The following ITGA10 variants were observed in gnomAD, a reference collection of about 807,000 sequenced individuals.
ITGA10 encodes integrin alpha-10.
ITGA10 carries 105 observed loss-of-function variants against 145.2 expected under a neutral mutation model. The ratio of observed to expected loss-of-function variants is 0.72; its 90% CI spans 0.62 to 0.85. The LOEUF (loss-of-function observed/expected upper bound fraction) is 0.85, where lower values mean the gene tolerates loss of function less well. Among genes scored for constraint, ITGA10 ranks in the 40% least tolerant of loss-of-function variants. ITGA10 has a pLI of 0.00. For synonymous variants in ITGA10, 506 were observed against 557.8 expected, an observed-to-expected ratio of 0.91 and a Z score of 1.31; for missense variants, 1,317 against 1,444.5, an observed-to-expected ratio of 0.91 and a Z score of 1.43.
intron 14 of ITGA10, among the ~76,000 whole-genome samples, chr1:145,900,429 G>A (rs1317386577): frequency 2.0e-5 from 3 of 151,958 alleles, no homozygotes; most frequent in East Asian, 1.9e-4. Flanking sequence ...CACCAGGCCC[G>A]GCTAATTTTT....
At chr1:145,892,979 A>T (rs888651574) in intron 29 of ITGA10, 116 bp from the exon 30 acceptor site, 10 of 971,920 alleles carry the variant, frequency 1.0e-5, no homozygotes, top group Non-Finnish European at 1.6e-5. Flanking sequence ...TGGAATTCAA[A>T]TTTATTTTAT....
chr1:145,903,034 C>T (rs1455158696), intron 7 of ITGA10, 73 bp from the exon 8 acceptor site: 6 of 847,428 alleles, frequency 7.1e-6, no homozygotes, highest in Admixed American at 2.6e-5. Flanking sequence ...TACACACACA[C>T]ACACACACAC....
In ITGA10 at chr1:145,900,151, A is replaced by G; in HGVS notation, c.1828T>C (p.Tyr610His). 6 of 1,614,092 alleles carry G rather than the reference A, an allele frequency of 3.7e-6. No individual in the cohort carries two copies. Among genetic ancestry groups the G allele is most frequent in the Non-Finnish European group, 4.2e-6 (5 of 1,179,954 alleles). Residue 610 changes from tyrosine to histidine, a missense_variant, in exon 15 of 30, where the codon TAC becomes CAC. Coordinates refer to ENST00000369304, the MANE Select transcript of ITGA10 (RefSeq NM_003637.5). ...CGACCATCCACACTTCGGCCAAAGT[A>G]GCTGAGGGCATGTGGCATGGAGGCA... ...AAASMPHALS[Y>H]FGRSVDGRLD...
At chr1:145,896,454 G>T in intron 23 of ITGA10, 102 bp from the exon 24 acceptor site, 1 of 880,436 alleles carries the variant, frequency 1.1e-6, no homozygotes, top group Non-Finnish European at 1.9e-6. Context: ...GGCAGGGCCA[G>T]CACATGGATA....
At chr1:145,899,421 A>G in intron 15 of ITGA10, 80 bp from the exon 16 acceptor site, 1 of 1,502,304 alleles carries the variant, frequency 6.7e-7, no homozygotes, top group Non-Finnish European at 9.1e-7. Flanking sequence ...TTGCTTCCCC[A>G]TGGTCAAAAC....
At chr1:145,903,463 G>A (rs1157206230) in intron 7 of ITGA10, among the ~76,000 whole-genome samples, 1 of 152,112 alleles carries the variant, frequency 6.6e-6, no homozygotes, top group African/African-American at 2.4e-5. Flanking sequence ...GATAGAAAGA[G>A]ACTTCTGTCT....
chr1:145,896,885 C>T (rs782150205), intron 22 of ITGA10, 27 bp from the exon 23 acceptor site: 1 of 1,579,778 alleles, frequency 6.3e-7, no homozygotes, highest in Non-Finnish European at 8.7e-7. Context: ...GAGAGGCTCA[C>T]ATCTCAACCC....
At chr1:145,900,339 C>T in intron 14 of ITGA10, 152 bp from the exon 15 acceptor site, 1 of 835,606 alleles carries the variant, frequency 1.2e-6, no homozygotes, top group Non-Finnish European at 1.8e-6. Context: ...GTGATCTTGG[C>T]TCACTGCAAC....
At position 145,906,862 on chromosome 1, in the gene ITGA10, G is replaced by A. The variant is rs782596114; in HGVS notation, c.275-38C>T. ...AGGTGGAAGAGAATGAGATCATGGG[G>A]TCATAGATGGGGTGCTTGAATTCAT... On this transcript the variant is annotated intron_variant, in intron 3 of 29. Transcript: ENST00000369304. The A allele has an allele frequency of 9.8e-6, 14 of 1,430,086 alleles. 1 individual carries two copies. In the South Asian group the frequency reaches 1.6e-4, roughly 17 times the overall value. 88.6% of individuals were successfully genotyped at this position (1,430,086 alleles called of 1,614,324 possible).
chr1:145,900,811 T>A lies in ITGA10; in HGVS notation c.1770A>T (p.Gly590=), dbSNP rs1553747788. 3 of 1,614,008 alleles carry A rather than the reference T, an allele frequency of 1.9e-6. No individual in the cohort carries two copies. The highest frequency in any genetic ancestry group is 2.2e-5 in the South Asian group (2 of 91,086). ...ALYLYHGTQS[G]VRPHPAQRIA... is the part of the protein sequence containing the mutation. ...TGACCTGGGCAGGATGGGGCCTGACTCCACTCTGGGTTCCATGGTACAGGT... is the reference window on the plus strand; with the variant it reads ...TGACCTGGGCAGGATGGGGCCTGACACCACTCTGGGTTCCATGGTACAGGT... Residue 590 remains glycine, a synonymous_variant, in exon 14 of 30, where the codon GGA becomes GGT. Coordinates refer to ENST00000369304, the MANE Select transcript of ITGA10 (RefSeq NM_003637.5).
chr1:145,896,194 C>A lies in ITGA10; in HGVS notation c.2919+74G>T, dbSNP rs1655370974. 6.1e-6 allele frequency: 9 copies of A among 1,475,432 alleles called. No individual in the cohort carries two copies. The South Asian group carries it at 9.1e-5, about 15-fold the overall frequency. The allele number at this position is 1,475,432 out of a possible 1,614,324, so 91.4% of individuals were successfully genotyped here. A position where few individuals can be genotyped will look rare whatever the true frequency, so the allele number is the denominator to read the frequency against. On this transcript the variant is annotated intron_variant, in intron 24 of 29. Coordinates refer to ENST00000369304, the MANE Select transcript of ITGA10 (RefSeq NM_003637.5). The stretch of plus-strand genomic sequence containing the variant: ...GATACCATTAAAATCCAAGAGAGAC[C>A]CTTCCCATCCTTTTCCCACAAAGCT...
rs894370378 is a variant in ITGA10, at chr1:145,891,952, G to C, written c.*846C>G. 2 of 152,350 alleles carry C rather than the reference G, an allele frequency of 1.3e-5. No homozygotes were observed. Among genetic ancestry groups the C allele is most frequent in the Non-Finnish European group, 2.9e-5 (2 of 68,038 alleles). The allele number at this position is 152,350 out of a possible 1,614,324, so 9.4% of individuals were successfully genotyped here. ...GCTCAAGAGTGAGTATAAGACTTGA[G>C]AGAAGTAGAGAAAATACTGCCTAGG... On this transcript the variant is annotated 3_prime_UTR_variant, in exon 30 of 30. Coordinates refer to ENST00000369304, the MANE Select transcript of ITGA10 (RefSeq NM_003637.5).
In ITGA10 at chr1:145,892,784, C is replaced by A; in HGVS notation, c.*14G>T. On this transcript the variant is annotated 3_prime_UTR_variant, in exon 30 of 30. Transcript: ENST00000369304. ...AAGCTGCCAGGGAGGACTTTCTAGA[C>A]CCTTATTCTACATTCATTGCTCCAA... is the stretch of plus-strand genomic sequence containing the variant. 6.2e-7 allele frequency: 1 copy of A among 1,603,744 alleles called. No individual in the cohort carries two copies. Among genetic ancestry groups the A allele is most frequent in the Non-Finnish European group, 8.5e-7 (1 of 1,170,564 alleles).
At chr1:145,898,537 T>G (rs1655775615) in intron 17 of ITGA10, among the ~76,000 whole-genome samples, 1 of 151,822 alleles carries the variant, frequency 6.6e-6, no homozygotes, top group Non-Finnish European at 1.5e-5. Flanking sequence ...CCCGGCTAAT[T>G]TTTTGTATTT....
At chr1:145,893,418 T>C in intron 28 of ITGA10, 122 bp downstream of exon 28, 1 of 947,032 alleles carries the variant, frequency 1.1e-6, no homozygotes, top group Non-Finnish European at 1.7e-6. Context: ...ATGGCGGCAG[T>C]GGAACACTAG....
At chr1:145,902,186 T>A in intron 10 of ITGA10, 60 bp downstream of exon 10, 1 of 1,585,518 alleles carries the variant, frequency 6.3e-7, no homozygotes, top group Non-Finnish European at 8.7e-7. Flanking sequence ...GAGGGCCCTG[T>A]GGTTGAAGTT....
chr1:145,900,742 A>G (rs1656172011), intron 14 of ITGA10, 48 bp downstream of exon 14: 1 of 1,575,862 alleles, frequency 6.3e-7, no homozygotes, highest in Non-Finnish European at 8.7e-7. Context: ...GCATCCCCCT[A>G]TTCCTCTTCC....
At position 145,893,175 on chromosome 1, in the gene ITGA10, A is replaced by C; in HGVS notation, c.3424T>G (p.Phe1142Val). 1 of 1,612,580 alleles carries C rather than the reference A, an allele frequency of 6.2e-7. No homozygotes were observed. The highest frequency in any genetic ancestry group is 8.5e-7 in the Non-Finnish European group (1 of 1,178,598). The change falls in exon 29 of 30, where the codon TTC (phenylalanine) becomes GTC (valine). Residue 1142 changes from phenylalanine (F) to valine (V), a missense_variant. By Grantham distance (50) the Phe-to-Val change is conservative. Transcript: ENST00000369304. ...GGLLLLALLV[F>V]CLWKLGFFAH... The stretch of plus-strand genomic sequence containing the variant: ...GCAGTGCTTACCTTCCACAGGCAGA[A>C]GACAAGGAGAGCAAGCAGGAGCAAC...
Position 145,902,290 on chromosome 1 carries a change from C to A in ITGA10, c.1105G>T (p.Gly369Trp). Residue 369 changes from glycine (G) to tryptophan (W), a missense_variant, in exon 10 of 30, where the codon GGG (glycine) becomes TGG (tryptophan). Gly to Trp is a radical substitution (Grantham distance 184, BLOSUM62 -2). Coordinates refer to ENST00000369304, the MANE Select transcript of ITGA10 (RefSeq NM_003637.5). ...AAACCAATCTGAGACATTTCCAGCC[C>A]AAAGGAGCTTTCGTTTTCTGCATGG... ...GSHAENESSFGLEMSQIGFST... is the reference protein window; with the variant it reads ...GSHAENESSFWLEMSQIGFST... 1 of 1,614,104 alleles carries A rather than the reference C, an allele frequency of 6.2e-7. No individual in the cohort carries two copies. The highest frequency in any genetic ancestry group is 1.3e-5 in the African/African-American group (1 of 74,998).
Sources: gnomAD v4.1 joint callset for allele counts (sites outside exome capture counted in the v4.1 genomes callset) on GRCh38, gnomAD v4.1.1 for gene constraint, MANE v1.5 for transcripts, NCBI Gene and HGNC (gene_info 2026-07-23, HGNC 2026-07-21) for gene names.